The following PSIP1 variants were observed in gnomAD, a reference collection of about 807,000 sequenced individuals.
PSIP1 encodes PC4 and SRSF1 interacting protein 1.
A neutral mutation model predicts 74.7 loss-of-function variants in PSIP1; 19 were observed. That is an observed-to-expected ratio of 0.25 (90% CI 0.18 to 0.37). The LOEUF is 0.37. Among genes scored for constraint, PSIP1 ranks in the 10% least tolerant of loss-of-function variants. The pLI is 1.00. For synonymous variants in PSIP1, 222 were observed against 195.3 expected (o/e 1.14, Z -1.14); for missense variants, 601 against 614.3 (o/e 0.98, Z 0.23).
chr9:15,506,483 C>A, intron 3 of PSIP1, 78 bp downstream of exon 3: 1 of 999,424 alleles, frequency 1.0e-6, no homozygotes, highest in Non-Finnish European at 1.5e-6. Flanking sequence ...GTTACGATTT[C>A]CCCCTTGAAT....
At chr9:15,502,410 A>C (rs907814146) in intron 3 of PSIP1, among the ~76,000 whole-genome samples, 3 of 152,170 alleles carry the variant, frequency 2.0e-5, no homozygotes, top group Non-Finnish European at 4.4e-5. Context: ...AAGAGTGGAA[A>C]CTGAAACCAA....
intron 8 of PSIP1, 113 bp from the exon 9 acceptor site, chr9:15,474,350 G>C (rs2035984619): frequency 2.3e-6 from 2 of 869,160 alleles, no homozygotes; most frequent in Non-Finnish European, 3.4e-6. Context: ...AGTAAAAAGA[G>C]TGTCTTCACT....
rs780682794 is a variant in PSIP1 at position 15,469,889 on chromosome 9, T to A, written c.1033+49A>T. 8 of 1,486,144 alleles carry A rather than the reference T, an allele frequency of 5.4e-6. No individual in the cohort carries two copies. In the Admixed American group the frequency reaches 1.4e-4, roughly 25 times the overall value. 92.1% of individuals were successfully genotyped at this position (1,486,144 alleles called of 1,614,324 possible). On this transcript the variant is annotated intron_variant, in intron 11 of 15. Coordinates refer to ENST00000380733, the MANE Select transcript of PSIP1 (RefSeq NM_033222.5). ...ACATGAAAAGTTATGTCTATATAAC[T>A]TCTTTTCCATGTATAATTTTATGTA...
At chr9:15,480,089 G>T (rs531921676) in intron 6 of PSIP1, among the ~76,000 whole-genome samples, 1 of 152,042 alleles carries the variant, frequency 6.6e-6, no homozygotes, top group Non-Finnish European at 1.5e-5. Context: ...CTTATTTCCC[G>T]TAAGAAAGGA....
intron 4 of PSIP1, 102 bp downstream of exon 4, chr9:15,489,884 T>G: frequency 8.9e-6 from 9 of 1,016,938 alleles, no homozygotes; most frequent in East Asian, 5.7e-5. Flanking sequence ...CAAACTAGTA[T>G]GAAATTCCCA....
intron 2 of PSIP1, 88 bp from the exon 3 acceptor site, chr9:15,506,725 G>C: frequency 2.0e-6 from 2 of 995,736 alleles, no homozygotes; most frequent in East Asian, 2.5e-5. Context: ...ACATCCAAAA[G>C]GGTTCTGTTA....
intron 15 of PSIP1, among the ~76,000 whole-genome samples, chr9:15,466,520 T>G (rs921934340): frequency 6.6e-6 from 1 of 152,252 alleles, no homozygotes; most frequent in African/African-American, 2.4e-5. Flanking sequence ...ATTTTCTTTT[T>G]AACTGGGTTC....
chr9:15,486,891 A>T lies in PSIP1; in HGVS notation c.329T>A (p.Val110Asp). 6.2e-7 allele frequency: 1 copy of T among 1,612,380 alleles called. No individual in the cohort carries two copies. The highest frequency in any genetic ancestry group is 8.5e-7 in the Non-Finnish European group (1 of 1,179,262). The change falls in exon 5 of 16, where the codon GTT (valine) becomes GAT (aspartate). Residue 110 changes from valine to aspartate, a missense_variant. Coordinates refer to ENST00000380733, the MANE Select transcript of PSIP1 (RefSeq NM_033222.5). ...TGAAACACTAGTTTCCTTTTCTTCA[A>T]CTTCAACATCAGATGATGCATTTGA... The part of the protein sequence containing the change: ...KQSNASSDVE[V>D]EEKETSVSKE...
At chr9:15,481,501 G>A (rs1587486271) in intron 6 of PSIP1, among the ~76,000 whole-genome samples, 1 of 152,158 alleles carries the variant, frequency 6.6e-6, no homozygotes, top group East Asian at 1.9e-4. Flanking sequence ...TTCGAGACCA[G>A]CCTGGCCAAC....
At chr9:15,465,841 C>CT in intron 15 of PSIP1, 1 of 362,196 alleles carries the variant, frequency 2.8e-6, no homozygotes, top group Non-Finnish European at 4.9e-6. Context: ...GGACCAAGCC[C>CT]TTTCCATCAT....
At chr9:15,506,183 TAC>T (rs573204619) in intron 3 of PSIP1, 167 of 161,264 alleles carry the variant, frequency 1.0e-3, no homozygotes, top group Admixed American at 3.9e-3. Flanking sequence ...CTCCACAATA[TAC>T]ACAGTTTGCA....
chr9:15,479,476 A>T, intron 7 of PSIP1, 115 bp downstream of exon 7: 1 of 666,162 alleles, frequency 1.5e-6, no homozygotes, highest in Non-Finnish European at 2.5e-6. Context: ...TCTGTATGTT[A>T]CACATAATCA....
At chr9:15,503,310 T>C (rs1049498310) in intron 3 of PSIP1, among the ~76,000 whole-genome samples, 1 of 151,848 alleles carries the variant, frequency 6.6e-6, no homozygotes, top group African/African-American at 2.4e-5. Flanking sequence ...GAGGTTGCAA[T>C]GAGCCGAGAT....
At chr9:15,478,390 G>C in intron 8 of PSIP1, 87 bp downstream of exon 8, 1 of 1,045,606 alleles carries the variant, frequency 9.6e-7, no homozygotes. Flanking sequence ...TCCTGTAAGA[G>C]AAAACTGATA....
At chr9:15,488,456 T>C (rs771475539) in intron 4 of PSIP1, among the ~76,000 whole-genome samples, 1 of 152,314 alleles carries the variant, frequency 6.6e-6, no homozygotes, top group Admixed American at 6.5e-5. Context: ...AGGACGTTTA[T>C]TGATGAAAGA....
intron 14 of PSIP1, among the ~76,000 whole-genome samples, chr9:15,467,577 A>C (rs2035689357): frequency 6.6e-6 from 1 of 152,322 alleles, no homozygotes; most frequent in Middle Eastern, 3.4e-3. Context: ...AACTTTCAAG[A>C]GGGGCATAGA....
rs2036578315 is a variant in PSIP1 at position 15,486,882 on chromosome 9, T to G, written c.338A>C (p.Lys113Thr). Reference sequence around the variant, plus strand: ...ATCTTCCTTTGAAACACTAGTTTCCTTTTCTTCAACTTCAACATCAGATGA... The same window carrying G: ...ATCTTCCTTTGAAACACTAGTTTCCGTTTCTTCAACTTCAACATCAGATGA... The part of the protein sequence containing the change: ...NASSDVEVEE[K>T]ETSVSKEDTD... The change falls in exon 5 of 16, where the codon AAG becomes ACG. Residue 113 changes from lysine (K) to threonine (T), a missense_variant. Physicochemically the swap from Lys to Thr is moderately conservative, Grantham distance 78 (BLOSUM62 -1). This residue lies in a region of PSIP1 where 538 missense variants were observed against 507.6 expected (regional missense o/e 1.06). Transcript: ENST00000380733. 4 of 1,612,724 alleles carry G rather than the reference T, an allele frequency of 2.5e-6. No individual in the cohort carries two copies. The highest frequency in any genetic ancestry group is 3.4e-6 in the Non-Finnish European group (4 of 1,179,384).
At chr9:15,479,871 T>C (rs1348903240) in intron 6 of PSIP1, among the ~76,000 whole-genome samples, 184 bp from the exon 7 acceptor site, 2 of 152,174 alleles carry the variant, frequency 1.3e-5, no homozygotes, top group Non-Finnish European at 2.9e-5. Context: ...TTTATAACTC[T>C]AGTGAACAAC....
chr9:15,488,511 G>A (rs1425754945), intron 4 of PSIP1, among the ~76,000 whole-genome samples: 1 of 152,168 alleles, frequency 6.6e-6, no homozygotes, highest in Non-Finnish European at 1.5e-5. Context: ...ATAGCCCTCT[G>A]ATCCTATTAT....
Sources: gnomAD v4.1 joint callset for allele counts (sites outside exome capture counted in the v4.1 genomes callset) on GRCh38, gnomAD v4.1.1 for gene constraint, gnomAD v4.1.1 regional missense constraint, MANE v1.5 for transcripts, NCBI Gene and HGNC (gene_info 2026-07-23, HGNC 2026-07-21) for gene names.